The following MCC variants were observed in gnomAD, a reference collection of about 807,000 sequenced individuals.
The protein encoded by MCC is MCC regulator of Wnt signaling pathway.
MCC carries 90 observed loss-of-function variants against 116.2 expected under a neutral mutation model. The observed-to-expected ratio is 0.77, with a 90% CI of 0.65 to 0.92. The LOEUF is 0.92. Among genes scored for constraint, MCC ranks in the 40% least tolerant of loss-of-function variants. MCC has a pLI of 0.00. For synonymous variants in MCC, 578 were observed against 510.5 expected, an observed-to-expected ratio of 1.13 and a Z score of -1.78; for missense variants, 1,516 against 1,312.2, an observed-to-expected ratio of 1.16 and a Z score of -2.40.
chr5:113,424,238 C>T (rs1770425202), intron 1 of MCC, among the ~76,000 whole-genome samples: 1 of 149,022 alleles, frequency 6.7e-6, no homozygotes, highest in African/African-American at 2.5e-5. Flanking sequence ...CAACTGAAGA[C>T]TAATAGGTAT....
At chr5:113,177,342 A>G (rs142035613) in intron 3 of MCC, among the ~76,000 whole-genome samples, 348 of 152,344 alleles carry the variant, frequency 2.3e-3, no homozygotes, top group African/African-American at 8.1e-3. Context: ...AAAGACTAAC[A>G]TTGACTAGTT....
intron 2 of MCC, among the ~76,000 whole-genome samples, chr5:113,375,153 T>C (rs1561542995): frequency 1.3e-5 from 2 of 152,186 alleles, no homozygotes; most frequent in African/African-American, 2.4e-5. Flanking sequence ...TATTGAGCTC[T>C]TCTCCAACTT....
intron 16 of MCC, among the ~76,000 whole-genome samples, chr5:113,045,871 T>C (rs1209957432): frequency 1.3e-5 from 2 of 152,056 alleles, no homozygotes; most frequent in African/African-American, 4.8e-5. Flanking sequence ...CTGTTGCCTC[T>C]GCTTTTGCGC....
chr5:113,400,707 C>G (rs1377170390), intron 1 of MCC, among the ~76,000 whole-genome samples: 1 of 152,158 alleles, frequency 6.6e-6, no homozygotes, highest in Non-Finnish European at 1.5e-5. Context: ...CAGGGTCTAT[C>G]AGTGCCTTGT....
intron 8 of MCC, among the ~76,000 whole-genome samples, chr5:113,090,615 T>C (rs958711448): frequency 6.6e-6 from 1 of 152,204 alleles, no homozygotes; most frequent in African/African-American, 2.4e-5. Flanking sequence ...AAAAAAAGTC[T>C]ATAATGTATA....
At position 113,151,388 on chromosome 5, in the gene MCC, T is replaced by A; in HGVS notation, c.662A>T (p.Asp221Val). Reference protein sequence around the residue: ...HSAALASLKGDIVELNKRLQQ... With the variant: ...HSAALASLKGVIVELNKRLQQ... The stretch of plus-strand genomic sequence containing the variant: ...GAGACGTTTATTAAGTTCCACTATA[T>A]CTCCCTTTAGTGATGCCAGGGCTGC... Residue 221 changes from aspartate to valine, a missense_variant, in exon 4 of 19, where the codon GAT (aspartate) becomes GTT (valine). Transcript: ENST00000408903. The A allele has an allele frequency of 1.2e-6, 2 of 1,613,198 alleles. No individual in the cohort carries two copies. Among genetic ancestry groups the A allele is most frequent in the East Asian group, 2.2e-5 (1 of 44,834 alleles).
intron 3 of MCC, among the ~76,000 whole-genome samples, chr5:113,179,513 G>C (rs1468596833): frequency 2.0e-5 from 3 of 152,300 alleles, no homozygotes; most frequent in Middle Eastern, 3.4e-3. Context: ...AGATGTTCTG[G>C]CTGCCATTGT....
At chr5:113,241,065 G>A (rs979252229) in intron 3 of MCC, among the ~76,000 whole-genome samples, 1 of 152,148 alleles carries the variant, frequency 6.6e-6, no homozygotes, top group Non-Finnish European at 1.5e-5. Context: ...ATATCAGTGT[G>A]TCATTATAGG....
At chr5:113,322,666 A>G (rs900352228) in intron 3 of MCC, among the ~76,000 whole-genome samples, 1 of 152,228 alleles carries the variant, frequency 6.6e-6, no homozygotes, top group African/African-American at 2.4e-5. Context: ...CTATCAAAAG[A>G]TAAGAGTTTC....
intron 2 of MCC, among the ~76,000 whole-genome samples, chr5:113,365,873 T>G (rs1036132846): frequency 6.6e-6 from 1 of 152,150 alleles, no homozygotes; most frequent in African/African-American, 2.4e-5. Context: ...CCATATCTTG[T>G]GAGAACTCAC....
intron 3 of MCC, among the ~76,000 whole-genome samples, chr5:113,338,511 C>T (rs892827496): frequency 2.6e-5 from 4 of 152,178 alleles, no homozygotes; most frequent in East Asian, 1.9e-4. Context: ...CAGCCAACTC[C>T]CACAGTTTTC....
At chr5:113,478,311 T>G (rs963273374) in intron 1 of MCC, among the ~76,000 whole-genome samples, 3 of 152,220 alleles carry the variant, frequency 2.0e-5, no homozygotes, top group Non-Finnish European at 2.9e-5. Flanking sequence ...AGTAGGAGTC[T>G]GTTATAATAG....
chr5:113,433,931 G>C, intron 1 of MCC: 1 of 1,614,030 alleles, frequency 6.2e-7, no homozygotes, highest in Non-Finnish European at 8.5e-7. Flanking sequence ...TCTTGTCAGA[G>C]CCAGGTTCGG....
intron 5 of MCC, among the ~76,000 whole-genome samples, chr5:113,142,573 C>G (rs1231380488): frequency 6.8e-6 from 1 of 147,924 alleles, no homozygotes; most frequent in African/African-American, 2.4e-5. Context: ...CACCTCTATC[C>G]TCTCCTAATT....
chr5:113,423,263 C>G (rs1770388628), intron 1 of MCC, among the ~76,000 whole-genome samples: 1 of 152,120 alleles, frequency 6.6e-6, no homozygotes, highest in Non-Finnish European at 1.5e-5. Context: ...TTCCTAAGTG[C>G]CTTGCAAAGA....
chr5:113,119,401 C>T (rs1230593010), intron 6 of MCC, among the ~76,000 whole-genome samples: 1 of 152,108 alleles, frequency 6.6e-6, no homozygotes, highest in African/African-American at 2.4e-5. Context: ...GAGACAGCTG[C>T]CGAGGAAGGA....
chr5:113,080,104 T>C (rs568243553), intron 11 of MCC, among the ~76,000 whole-genome samples: 1 of 152,264 alleles, frequency 6.6e-6, no homozygotes, highest in South Asian at 2.1e-4. Context: ...CACAATGAGA[T>C]ACCATCTCAC....
At chr5:113,101,028 C>T (rs540993195) in intron 8 of MCC, among the ~76,000 whole-genome samples, 1 of 152,294 alleles carries the variant, frequency 6.6e-6, no homozygotes, top group Admixed American at 6.5e-5. Flanking sequence ...CTTGGAAAAA[C>T]TGAGGCTTTA....
chr5:113,337,645 T>C (rs373805877), intron 3 of MCC, among the ~76,000 whole-genome samples: 3 of 152,224 alleles, frequency 2.0e-5, no homozygotes, highest in African/African-American at 7.2e-5. Flanking sequence ...TATTAAACTT[T>C]CCCTGTGTGA....
Sources: allele counts gnomAD v4.1 joint callset (sites outside exome capture counted in the v4.1 genomes callset), GRCh38; gene constraint gnomAD v4.1.1; transcripts MANE v1.5; gene names NCBI Gene and HGNC (gene_info 2026-07-23, HGNC 2026-07-21).